Variants in JAZF1 observed in about 807,000 individuals in gnomAD.
JAZF1 encodes JAZF zinc finger 1, also known as juxtaposed with another zinc finger protein 1.
A neutral mutation model predicts 26.4 loss-of-function variants in JAZF1; 8 were observed. That is an observed-to-expected ratio of 0.30 (90% CI 0.18 to 0.55). The LOEUF (loss-of-function observed/expected upper bound fraction) is 0.55, where lower values mean the gene tolerates loss of function less well. Ranked by LOEUF, JAZF1 falls within the 20% of genes least tolerant of loss-of-function variation. JAZF1 has a pLI of 0.94. For missense variants in JAZF1, 199 were observed against 322.0 expected, an observed-to-expected ratio of 0.62 and a Z score of 2.92; for synonymous variants, 126 against 122.3, an observed-to-expected ratio of 1.03 and a Z score of -0.20.
intron 1 of JAZF1, among the ~76,000 whole-genome samples, chr7:28,094,294 T>C (rs868684631): frequency 6.6e-6 from 1 of 152,072 alleles, no homozygotes; most frequent in South Asian, 2.1e-4. Context: ...TCAATACAGA[T>C]CCCTAATGTT....
At chr7:27,844,606 G>C (rs1782984705) in intron 3 of JAZF1, 1 of 152,136 alleles carries the variant, frequency 6.6e-6, no homozygotes, top group Non-Finnish European at 1.5e-5. Flanking sequence ...TGCCAAATAT[G>C]TACTAATATA....
At chr7:28,102,706 T>C (rs2127928303) in intron 1 of JAZF1, among the ~76,000 whole-genome samples, 1 of 152,352 alleles carries the variant, frequency 6.6e-6, no homozygotes, top group South Asian at 2.1e-4. Flanking sequence ...AGCTTTGTCT[T>C]TCCTTTTGCT....
At chr7:27,968,413 T>C (rs1054138070) in intron 2 of JAZF1, among the ~76,000 whole-genome samples, 2 of 152,226 alleles carry the variant, frequency 1.3e-5, no homozygotes, top group East Asian at 3.8e-4. Context: ...CTGGTCTTTT[T>C]GCATTCAGCA....
chr7:27,975,715 A>T (rs923265533), intron 2 of JAZF1, among the ~76,000 whole-genome samples: 1 of 152,248 alleles, frequency 6.6e-6, no homozygotes, highest in Non-Finnish European at 1.5e-5. Context: ...AAGTTTAAAA[A>T]TTTTGAAAAA....
At chr7:27,841,037 C>G in intron 3 of JAZF1, 170 bp from the exon 4 acceptor site, 1 of 621,828 alleles carries the variant, frequency 1.6e-6, no homozygotes, top group Non-Finnish European at 2.8e-6. Context: ...CCTTACAACC[C>G]TGGAAGCAGG....
At chr7:27,891,307 T>A (rs1392152770) in intron 3 of JAZF1, among the ~76,000 whole-genome samples, 1 of 152,208 alleles carries the variant, frequency 6.6e-6, no homozygotes, top group South Asian at 2.1e-4. Context: ...GGTGGTTCTA[T>A]AGCTGCTTGC....
chr7:27,991,161 A>G (rs1785894662), intron 2 of JAZF1, among the ~76,000 whole-genome samples: 1 of 152,188 alleles, frequency 6.6e-6, no homozygotes, highest in African/African-American at 2.4e-5. Context: ...CCTTCTATAA[A>G]AAGACCTATC....
chr7:27,854,272 G>A (rs184137025), intron 3 of JAZF1, among the ~76,000 whole-genome samples: 8 of 152,156 alleles, frequency 5.3e-5, no homozygotes, highest in East Asian at 1.9e-4. Flanking sequence ...GTTTTTGCAC[G>A]AGATGGGTCT....
intron 2 of JAZF1, among the ~76,000 whole-genome samples, chr7:27,948,636 AG>A (rs1326611144): frequency 2.0e-5 from 3 of 152,248 alleles, no homozygotes; most frequent in South Asian, 2.1e-4. Context: ...CCAAGATGTC[AG>A]GAACAGAAAC....
chr7:28,142,863 C>T (rs572678562), intron 1 of JAZF1, among the ~76,000 whole-genome samples: 10 of 152,318 alleles, frequency 6.6e-5, no homozygotes, highest in South Asian at 2.1e-4. Context: ...ACAGTGACAA[C>T]GTGCACAACC....
chr7:28,058,824 T>C (rs1318717204), intron 1 of JAZF1, among the ~76,000 whole-genome samples: 11 of 152,226 alleles, frequency 7.2e-5, no homozygotes. Context: ...TTCTTAAATA[T>C]TTTCATTGCA....
At chr7:28,175,670 T>C (rs1367171001) in intron 1 of JAZF1, among the ~76,000 whole-genome samples, 1 of 152,182 alleles carries the variant, frequency 6.6e-6, no homozygotes, top group East Asian at 1.9e-4. Context: ...TCAGTTACTT[T>C]CTAAAGGAGG....
intron 1 of JAZF1, among the ~76,000 whole-genome samples, chr7:28,029,067 T>G (rs1245831168): frequency 6.6e-6 from 1 of 152,092 alleles, no homozygotes; most frequent in Non-Finnish European, 1.5e-5. Flanking sequence ...TTTGTTAATA[T>G]CCACATTCCT....
chr7:28,110,224 G>C (rs1380685367), intron 1 of JAZF1, among the ~76,000 whole-genome samples: 1 of 151,922 alleles, frequency 6.6e-6, no homozygotes, highest in Non-Finnish European at 1.5e-5. Context: ...TCAGGAGTTC[G>C]AGACCAGCCT....
Position 27,832,278 on chromosome 7 carries a change from TCTTA to T in JAZF1, c.*518_*521del. The T allele has an allele frequency of 4.7e-6, 1 of 212,626 alleles. No homozygotes were observed. The highest frequency in any genetic ancestry group is 9.5e-6 in the Non-Finnish European group (1 of 104,796). 13.2% of individuals were successfully genotyped at this position (212,626 alleles called of 1,614,324 possible). A position where few individuals can be genotyped will look rare whatever the true frequency, so the allele number is the denominator to read the frequency against. On this transcript the variant is annotated 3_prime_UTR_variant, in exon 5 of 5. Coordinates refer to ENST00000283928, the MANE Select transcript of JAZF1 (RefSeq NM_175061.4). ...TTAGCATATTATGTTAAACATTCTT[TCTTA>T]TTTATATTTCCATTACCTAAAGTCT... is the stretch of plus-strand genomic sequence containing the variant.
chr7:28,096,860 G>A (rs976644224), intron 1 of JAZF1, among the ~76,000 whole-genome samples: 1 of 152,082 alleles, frequency 6.6e-6, no homozygotes, highest in Non-Finnish European at 1.5e-5. Context: ...AAGTTCCTTC[G>A]TTTTTACAAA....
chr7:28,139,683 A>G (rs948017398), intron 1 of JAZF1, among the ~76,000 whole-genome samples: 5 of 152,210 alleles, frequency 3.3e-5, no homozygotes, highest in African/African-American at 1.2e-4. Flanking sequence ...TCAGCCACTC[A>G]GTTTATGGTA....
intron 1 of JAZF1, among the ~76,000 whole-genome samples, chr7:28,091,616 T>C (rs983419410): frequency 6.1e-5 from 9 of 148,340 alleles, no homozygotes; most frequent in African/African-American, 1.7e-4. Context: ...ATATTATATA[T>C]ATATAACATA....
At chr7:27,869,288 C>A (rs1583439440) in intron 3 of JAZF1, among the ~76,000 whole-genome samples, 1 of 99,522 alleles carries the variant, frequency 1.0e-5, no homozygotes, top group South Asian at 3.0e-4. Flanking sequence ...GACCCCGCAC[C>A]CTGCTGTGAA....
Sources: gnomAD v4.1 joint callset for allele counts (sites outside exome capture counted in the v4.1 genomes callset) on GRCh38, gnomAD v4.1.1 for gene constraint, MANE v1.5 for transcripts, NCBI Gene and HGNC (gene_info 2026-07-23, HGNC 2026-07-21) for gene names.